The following ARL15 variants were observed in gnomAD, a reference collection of about 807,000 sequenced individuals.
ARL15 encodes ADP-ribosylation factor-like protein 15.
Under a neutral mutation model 25.2 loss-of-function variants are expected in ARL15, and 19 were observed. The ratio of observed to expected loss-of-function variants is 0.75; its 90% CI spans 0.53 to 1.10. The LOEUF (loss-of-function observed/expected upper bound fraction) is 1.10, where lower values mean the gene tolerates loss of function less well. ARL15 is among the 50% of genes least tolerant of loss of function. The pLI is 0.00. For synonymous variants in ARL15, 94 were observed against 86.8 expected (o/e 1.08, Z -0.46); for missense variants, 220 against 246.0 (o/e 0.89, Z 0.71).
At chr5:54,199,448 C>T (rs1038737032) in intron 1 of ARL15, among the ~76,000 whole-genome samples, 2 of 151,558 alleles carry the variant, frequency 1.3e-5, no homozygotes, top group African/African-American at 4.9e-5. Context: ...AACAAATTTA[C>T]AAGAAAAAAA....
intron 4 of ARL15, among the ~76,000 whole-genome samples, chr5:54,095,217 A>G (rs778181354): frequency 2.0e-5 from 3 of 152,178 alleles, no homozygotes; most frequent in Non-Finnish European, 4.4e-5. Context: ...AATAAGAGGT[A>G]TTAAAAAAAG....
rs1243981013 is a variant in ARL15 at position 54,248,616 on chromosome 5, A to G, written c.48+61816T>C. 2.0e-5 allele frequency among the ~76,000 whole-genome samples: 3 copies of G among 152,120 alleles called. No individual in the cohort carries two copies. In the East Asian group the frequency reaches 5.8e-4, roughly 29 times the overall value. On this transcript the variant is annotated intron_variant, in intron 1 of 4. Transcript: ENST00000504924. Reference sequence around the variant, plus strand: ...ACCACCATCTGACATTCTTTCATTTACTTATTTGCTAATTGTAGGTCTTCT... The same window carrying G: ...ACCACCATCTGACATTCTTTCATTTGCTTATTTGCTAATTGTAGGTCTTCT...
Position 54,027,306 on chromosome 5 carries a change from GA to G in ARL15, c.462+85895del, listed in dbSNP as rs66534831. On this transcript the variant is annotated intron_variant, in intron 4 of 4. Transcript: ENST00000504924. ...AAAGCTGTGCTTATAGAAAGTTTTT[GA>G]AAAAAATTACATCAAGTCTTGTCTT... is the stretch of plus-strand genomic sequence containing the variant. Among the ~76,000 whole-genome samples the G allele has an allele frequency of 9.6e-3, 1,456 of 152,174 alleles. 16 individuals carry two copies. Among genetic ancestry groups the G allele is most frequent in the African/African-American group, 0.026 (1,068 of 41,532 alleles).
chr5:54,107,623 G>A (rs971511195), intron 4 of ARL15, among the ~76,000 whole-genome samples: 8 of 152,002 alleles, frequency 5.3e-5, no homozygotes, highest in African/African-American at 1.4e-4. Flanking sequence ...ACTGTGAAAA[G>A]TCTAGATGTG....
intron 1 of ARL15, among the ~76,000 whole-genome samples, chr5:54,176,326 A>C (rs26775): frequency 0.21 from 31,510 of 152,202 alleles, 4,004 homozygotes; most frequent in East Asian, 0.69. Context: ...TGAGTCAACA[A>C]GATAAAACTT....
rs183949534 is a variant in ARL15 at position 54,127,233 on chromosome 5, C to T, written c.254-13823G>A. Among the ~76,000 whole-genome samples the T allele has an allele frequency of 3.8e-3, 573 of 152,278 alleles. 5 individuals are homozygous for T. Among genetic ancestry groups the T allele is most frequent in the African/African-American group, 0.013 (522 of 41,542 alleles). ...GTATATGTGCCACATTTTCTTAATC[C>T]AGTCTATCATTGTTGGATATTTGGT... On this transcript the variant is annotated intron_variant, in intron 3 of 4. Transcript: ENST00000504924.
intron 1 of ARL15, among the ~76,000 whole-genome samples, chr5:54,262,289 G>C: frequency 6.6e-6 from 1 of 152,130 alleles, no homozygotes; most frequent in Non-Finnish European, 1.5e-5. Context: ...AAGCAGAATT[G>C]GGAGCAGAAT....
At chr5:53,918,384 G>GA (rs748812575) in intron 4 of ARL15, among the ~76,000 whole-genome samples, 56 of 151,928 alleles carry the variant, frequency 3.7e-4, no homozygotes, top group Admixed American at 1.6e-3. Context: ...GATGGGGGGG[G>GA]ATCTCACTAT....
chr5:54,217,275 ATATCTT>A (rs2112522188), intron 1 of ARL15, among the ~76,000 whole-genome samples: 1 of 151,924 alleles, frequency 6.6e-6, no homozygotes, highest in East Asian at 1.9e-4. Flanking sequence ...TTCCCTAAAA[ATATCTT>A]AAAATAAGAG....
chr5:54,197,823 G>C (rs1755595556), intron 1 of ARL15, among the ~76,000 whole-genome samples: 1 of 152,080 alleles, frequency 6.6e-6, no homozygotes, highest in Admixed American at 6.6e-5. Context: ...TGATACCAAA[G>C]CTGGGCAGAG....
intron 1 of ARL15, among the ~76,000 whole-genome samples, chr5:54,197,047 A>G (rs993139518): frequency 1.3e-5 from 2 of 152,334 alleles, no homozygotes; most frequent in East Asian, 3.9e-4. Flanking sequence ...TTTGGGAAAC[A>G]GATAAGTTCA....
chr5:54,082,286 A>G (rs1751826957), intron 4 of ARL15, among the ~76,000 whole-genome samples: 1 of 152,182 alleles, frequency 6.6e-6, no homozygotes, highest in African/African-American at 2.4e-5. Context: ...GAGAAATAGG[A>G]GAATGCTCCA....
intron 4 of ARL15, among the ~76,000 whole-genome samples, chr5:54,058,053 T>C (rs1391790804): frequency 6.6e-6 from 1 of 151,274 alleles, no homozygotes; most frequent in East Asian, 1.9e-4. Context: ...TTCCCCAGGC[T>C]GGAATGCAAC....
At chr5:53,959,165 C>G (rs1470114514) in intron 4 of ARL15, among the ~76,000 whole-genome samples, 1 of 152,142 alleles carries the variant, frequency 6.6e-6, no homozygotes, top group Non-Finnish European at 1.5e-5. Context: ...GACCACAAAA[C>G]AAGTCTCAAT....
chr5:53,890,374 A>G (rs1243191054), intron 4 of ARL15, among the ~76,000 whole-genome samples: 2 of 152,224 alleles, frequency 1.3e-5, no homozygotes, highest in African/African-American at 4.8e-5. Context: ...TGATGGACAT[A>G]CAATTTTTTA....
intron 4 of ARL15, among the ~76,000 whole-genome samples, chr5:54,042,831 T>C (rs1436414961): frequency 6.6e-6 from 1 of 152,184 alleles, no homozygotes; most frequent in African/African-American, 2.4e-5. Context: ...GTAACACGGC[T>C]AGCAGCTGTG....
intron 1 of ARL15, among the ~76,000 whole-genome samples, chr5:54,250,274 C>A (rs138994093): frequency 6.6e-6 from 1 of 152,130 alleles, no homozygotes; most frequent in Non-Finnish European, 1.5e-5. Context: ...AATCCACCCC[C>A]ACAATCCAAC....
At position 54,064,431 on chromosome 5, in the gene ARL15, T is replaced by A. The variant is rs141996118; in HGVS notation, c.462+48771A>T. ...GAAGACCAAAGAGGAAATGTGACCA[T>A]CAATTGGGAATAATAGGTCCTGAGG... On this transcript the variant is annotated intron_variant, in intron 4 of 4. Coordinates refer to ENST00000504924, the MANE Select transcript of ARL15 (RefSeq NM_019087.3). 3.2e-4 allele frequency among the ~76,000 whole-genome samples: 49 copies of A among 152,246 alleles called. No individual in the cohort carries two copies. In the East Asian group the frequency reaches 8.3e-3, roughly 26 times the overall value.
intron 4 of ARL15, among the ~76,000 whole-genome samples, chr5:54,023,646 C>T (rs1051524026): frequency 1.3e-5 from 2 of 152,124 alleles, no homozygotes; most frequent in African/African-American, 4.8e-5. Context: ...AGCCTTAGGC[C>T]TCTCTGACCT....
Sources: allele counts gnomAD v4.1 joint callset (sites outside exome capture counted in the v4.1 genomes callset), GRCh38; gene constraint gnomAD v4.1.1; transcripts MANE v1.5; gene names NCBI Gene and HGNC (gene_info 2026-07-23, HGNC 2026-07-21).